LARGE1: variants seen among roughly 807,000 people sequenced by gnomAD.
LARGE1 encodes xylosyl- and glucuronyltransferase LARGE1.
Under a neutral mutation model 87.6 loss-of-function variants are expected in LARGE1, and 43 were observed. The observed-to-expected ratio is 0.49, with a 90% confidence interval of 0.38 to 0.63. LARGE1 has a LOEUF of 0.63. LARGE1 is among the 30% of genes least tolerant of loss of function. The pLI is 0.00. For missense variants in LARGE1, 802 were observed against 1,000.2 expected (o/e 0.80, Z 2.67); for synonymous variants, 434 against 394.6 (o/e 1.10, Z -1.18).
intron 11 of LARGE1, among the ~76,000 whole-genome samples, chr22:33,213,945 C>T (rs1258424076): frequency 6.6e-6 from 1 of 152,196 alleles, no homozygotes; most frequent in Non-Finnish European, 1.5e-5. Context: ...TCTCCTGCTT[C>T]AGCCTCCTGA....
chr22:33,909,792 C>G (rs1195948002), intron 1 of LARGE1, among the ~76,000 whole-genome samples: 1 of 152,186 alleles, frequency 6.6e-6, no homozygotes, highest in Non-Finnish European at 1.5e-5. Flanking sequence ...CCCGCCTCAG[C>G]CTCCCAGAGT....
intron 1 of LARGE1, among the ~76,000 whole-genome samples, chr22:33,764,384 T>C (rs980754068): frequency 6.6e-6 from 1 of 152,138 alleles, no homozygotes; most frequent in Admixed American, 6.5e-5. Flanking sequence ...CTCATACAAA[T>C]GGGCATAGTA....
At chr22:33,138,329 A>G in the LARGE1 span, among the ~76,000 whole-genome samples, 2 of 152,112 alleles carry the variant, frequency 1.3e-5, no homozygotes, top group Admixed American at 6.6e-5. Context: ...TATTTACCCA[A>G]TGCCTGTACC....
chr22:33,235,333 G>C (rs369627071), intron 11 of LARGE1, among the ~76,000 whole-genome samples: 8 of 152,268 alleles, frequency 5.3e-5, no homozygotes, highest in Admixed American at 1.3e-4. Context: ...TTATACATTC[G>C]AGTGGTTATT....
chr22:33,728,661 C>T lies in LARGE1; in HGVS notation c.106+32710G>A, dbSNP rs547635364. ...TGTCCCTGACACTCCAGGACAGACACACTCCCAGTAGGCAATGCCTGTTAG... is the reference window on the plus strand; with the variant it reads ...TGTCCCTGACACTCCAGGACAGACATACTCCCAGTAGGCAATGCCTGTTAG... On this transcript the variant is annotated intron_variant, in intron 2 of 14. Transcript: ENST00000397394. Among the ~76,000 whole-genome samples, 5 of 151,218 alleles carry T rather than the reference C, an allele frequency of 3.3e-5. No individual in the cohort carries two copies. In the South Asian group the frequency reaches 6.3e-4, roughly 19 times the overall value.
chr22:33,504,778 G>T (rs5998971), intron 6 of LARGE1, among the ~76,000 whole-genome samples: 2,489 of 152,222 alleles, frequency 0.016, 55 homozygotes, highest in African/African-American at 0.048. Context: ...TAGTCTCACA[G>T]TTGCTATAAG....
rs1379015466 is a variant in LARGE1 at position 33,604,383 on chromosome 22, T to C, written c.615+52A>G. 3.7e-6 allele frequency: 6 copies of C among 1,612,468 alleles called. No individual in the cohort carries two copies. In the East Asian group the frequency reaches 1.1e-4, roughly 30 times the overall value. ...CTACAGTCTGCTCAACCACAAGTAA[T>C]AACGCTTCCAGCTAGAGGAGATCAC... On this transcript the variant is annotated intron_variant, in intron 5 of 14. Transcript: ENST00000397394.
At position 33,435,146 on chromosome 22, in the gene LARGE1, C is replaced by A. The variant is rs559100056; in HGVS notation, c.788-2881G>T. On this transcript the variant is annotated intron_variant, in intron 6 of 14. Transcript: ENST00000397394. The stretch of plus-strand genomic sequence containing the variant: ...CCTCCTGAGTAGCTGGGATTACAGA[C>A]ACCTGCCACCATGTCTGGCTAATTT... 2.0e-5 allele frequency among the ~76,000 whole-genome samples: 3 copies of A among 152,304 alleles called. No individual in the cohort carries two copies. The South Asian group carries it at 6.2e-4, about 32-fold the overall frequency.
At chr22:33,533,212 G>A (rs2076947399) in intron 6 of LARGE1, among the ~76,000 whole-genome samples, 1 of 152,286 alleles carries the variant, frequency 6.6e-6, no homozygotes, top group East Asian at 1.9e-4. Context: ...GCAAAGACAA[G>A]TGTTGTTCGG....
intron 2 of LARGE1, among the ~76,000 whole-genome samples, chr22:33,718,718 C>T (rs12160948): frequency 5.3e-5 from 8 of 152,376 alleles, no homozygotes; most frequent in African/African-American, 1.9e-4. Flanking sequence ...GACAGTGATA[C>T]TGATAATCCT....
At chr22:33,244,028 G>T (rs187065026) in intron 11 of LARGE1, among the ~76,000 whole-genome samples, 1 of 151,996 alleles carries the variant, frequency 6.6e-6, no homozygotes, top group Non-Finnish European at 1.5e-5. Flanking sequence ...TTGCTCTGTC[G>T]CCCAGGCTGG....
At chr22:33,711,692 G>A (rs2082735258) in intron 2 of LARGE1, among the ~76,000 whole-genome samples, 3 of 152,206 alleles carry the variant, frequency 2.0e-5, no homozygotes, top group South Asian at 4.1e-4. Flanking sequence ...TATCACCCAG[G>A]CTGGAGTGCA....
At chr22:33,251,651 A>G (rs1225427549) in intron 11 of LARGE1, among the ~76,000 whole-genome samples, 4 of 152,222 alleles carry the variant, frequency 2.6e-5, no homozygotes, top group Non-Finnish European at 5.9e-5. Context: ...ACACTTAGGT[A>G]AATTAAGTTG....
At chr22:33,706,493 C>A (rs2082566820) in intron 2 of LARGE1, among the ~76,000 whole-genome samples, 2 of 152,190 alleles carry the variant, frequency 1.3e-5, no homozygotes, top group Admixed American at 1.3e-4. Flanking sequence ...CAAGTCCCAA[C>A]TCGGCCCATA....
intron 11 of LARGE1, among the ~76,000 whole-genome samples, chr22:33,230,251 A>G (rs923564114): frequency 1.3e-5 from 2 of 151,570 alleles, no homozygotes; most frequent in African/African-American, 4.8e-5. Flanking sequence ...TGACCTCGTA[A>G]TCTCGTAATC....
intron 6 of LARGE1, among the ~76,000 whole-genome samples, chr22:33,484,172 G>A (rs758525830): frequency 2.1e-4 from 32 of 152,202 alleles, no homozygotes; most frequent in South Asian, 1.0e-3. Context: ...TAAAAAATTC[G>A]TCAGCTACAG....
At chr22:33,571,899 G>C (rs2148824258) in intron 5 of LARGE1, among the ~76,000 whole-genome samples, 1 of 152,180 alleles carries the variant, frequency 6.6e-6, no homozygotes, top group South Asian at 2.1e-4. Context: ...GCAGGGTCAG[G>C]ACTGAGCCTC....
intron 2 of LARGE1, among the ~76,000 whole-genome samples, chr22:33,673,118 C>G (rs2267253): frequency 2.0e-5 from 3 of 151,938 alleles, no homozygotes; most frequent in South Asian, 2.1e-4. Context: ...ACTAAAAATA[C>G]AAAAAAATTA....
In LARGE1 at chr22:33,564,883, A is replaced by T. The variant is rs2077976439; in HGVS notation, c.752T>A (p.Ile251Asn). The T allele has an allele frequency of 6.2e-7, 1 of 1,614,204 alleles. No individual in the cohort carries two copies. Among genetic ancestry groups the T allele is most frequent in the Non-Finnish European group, 8.5e-7 (1 of 1,180,030 alleles). Reference protein sequence around the residue: ...LDTDITFATDIAELWAVFHKF... With the variant: ...LDTDITFATDNAELWAVFHKF... ...GTGGAACACAGCCCACAGCTCTGCAATGTCAGTGGCAAAGGTGATATCCGT... is the reference window on the plus strand; with the variant it reads ...GTGGAACACAGCCCACAGCTCTGCATTGTCAGTGGCAAAGGTGATATCCGT... Residue 251 changes from isoleucine (I) to asparagine (N), a missense_variant, in exon 6 of 15, where the codon ATT becomes AAT. Physicochemically the swap from Ile to Asn is moderately radical, Grantham distance 149. Transcript: ENST00000397394.
Sources: gnomAD v4.1 joint callset for allele counts (sites outside exome capture counted in the v4.1 genomes callset) on GRCh38, gnomAD v4.1.1 for gene constraint, MANE v1.5 for transcripts, NCBI Gene and HGNC (gene_info 2026-07-23, HGNC 2026-07-21) for gene names.